The following SDK1 variants were observed in gnomAD, a reference collection of about 807,000 sequenced individuals.
SDK1 encodes sidekick cell adhesion molecule 1, also known as protein sidekick-1.
Under a neutral mutation model 245.5 loss-of-function variants are expected in SDK1, and 157 were observed. That is an observed-to-expected ratio of 0.64 (90% CI 0.56 to 0.73). The LOEUF is 0.73. Among genes scored for constraint, SDK1 ranks in the 30% least tolerant of loss-of-function variants. The probability of loss-of-function intolerance (pLI) is 0.00; values close to 1 mark genes in which losing one functional copy is unlikely to be tolerated. For missense variants in SDK1, 3,583 were observed against 3,002.3 expected (o/e 1.19, Z -4.52); for synonymous variants, 1,647 against 1,278.5 (o/e 1.29, Z -6.15).
At chr7:4,095,387 C>G (rs1782083970) in intron 22 of SDK1, among the ~76,000 whole-genome samples, 1 of 152,182 alleles carries the variant, frequency 6.6e-6, no homozygotes, top group African/African-American at 2.4e-5. Context: ...CCTGCATAGC[C>G]AACCCATTTG....
chr7:3,479,386 C>T (rs1045775982), intron 1 of SDK1, among the ~76,000 whole-genome samples: 1 of 134,248 alleles, frequency 7.4e-6, no homozygotes, highest in African/African-American at 2.9e-5. Flanking sequence ...TGTGCCACTG[C>T]ACTCCAGCCT....
chr7:3,666,465 G>A, intron 4 of SDK1, among the ~76,000 whole-genome samples: 1 of 152,126 alleles, frequency 6.6e-6, no homozygotes. Context: ...CCATTTCCCA[G>A]GCTCCTGCCC....
At chr7:3,589,210 C>T (rs931765817) in intron 1 of SDK1, among the ~76,000 whole-genome samples, 2 of 152,258 alleles carry the variant, frequency 1.3e-5, no homozygotes, top group East Asian at 3.9e-4. Flanking sequence ...GTACTGATCT[C>T]ACAGTTGGTG....
intron 2 of SDK1, among the ~76,000 whole-genome samples, chr7:3,636,571 G>A (rs1020895945): frequency 3.3e-5 from 5 of 152,116 alleles, no homozygotes; most frequent in Non-Finnish European, 7.3e-5. Context: ...ATATTCCATC[G>A]TGTGTATACA....
intron 1 of SDK1, among the ~76,000 whole-genome samples, chr7:3,575,898 G>T (rs1177726559): frequency 1.3e-5 from 2 of 151,908 alleles, no homozygotes; most frequent in African/African-American, 2.4e-5. Flanking sequence ...CTCATGAATA[G>T]CCCAGAGAAA....
At chr7:3,735,063 G>A (rs188990819) in intron 4 of SDK1, among the ~76,000 whole-genome samples, 74 of 152,058 alleles carry the variant, frequency 4.9e-4, no homozygotes, top group Middle Eastern at 3.4e-3. Context: ...GTATAATTTG[G>A]AATGTAGAGG....
At chr7:4,031,077 A>G (rs893323429) in intron 17 of SDK1, among the ~76,000 whole-genome samples, 39 of 152,302 alleles carry the variant, frequency 2.6e-4, no homozygotes, top group African/African-American at 9.1e-4. Flanking sequence ...ATCTGCATCT[A>G]TATATACACA....
At chr7:4,196,164 C>G (rs1783564892) in intron 35 of SDK1, among the ~76,000 whole-genome samples, 2 of 152,172 alleles carry the variant, frequency 1.3e-5, no homozygotes, top group Admixed American at 1.3e-4. Flanking sequence ...TGTGACTTAA[C>G]CCCTCAAGGC....
intron 4 of SDK1, among the ~76,000 whole-genome samples, chr7:3,713,381 C>CT (rs1457121531): frequency 6.6e-6 from 1 of 152,118 alleles, no homozygotes; most frequent in Non-Finnish European, 1.5e-5. Context: ...CTACAAAGAA[C>CT]TTAAAACTAA....
chr7:3,563,403 G>C (rs1222436941), intron 1 of SDK1, among the ~76,000 whole-genome samples: 1 of 152,062 alleles, frequency 6.6e-6, no homozygotes, highest in African/African-American at 2.4e-5. Flanking sequence ...ATAAAAGGAT[G>C]GAAGAGAGAG....
intron 1 of SDK1, among the ~76,000 whole-genome samples, chr7:3,486,796 A>T (rs1781709685): frequency 6.6e-6 from 1 of 152,164 alleles, no homozygotes; most frequent in African/African-American, 2.4e-5. Flanking sequence ...TTGTAAATAT[A>T]TCCTTTTGTC....
chr7:3,718,067 C>G (rs892495402), intron 4 of SDK1, among the ~76,000 whole-genome samples: 1 of 152,104 alleles, frequency 6.6e-6, no homozygotes, highest in Non-Finnish European at 1.5e-5. Flanking sequence ...GAATTAGACA[C>G]CGTAACCAAG....
At chr7:3,555,922 G>C (rs189152723) in intron 1 of SDK1, among the ~76,000 whole-genome samples, 1 of 152,210 alleles carries the variant, frequency 6.6e-6, no homozygotes, top group East Asian at 1.9e-4. Flanking sequence ...AGTAACAAAT[G>C]CTGGCAAGAA....
intron 5 of SDK1, among the ~76,000 whole-genome samples, chr7:3,885,753 C>G (rs887916287): frequency 6.6e-6 from 1 of 152,218 alleles, no homozygotes; most frequent in African/African-American, 2.4e-5. Flanking sequence ...CCATGCCAAG[C>G]TGCATTAGTT....
intron 1 of SDK1, among the ~76,000 whole-genome samples, chr7:3,323,124 G>C (rs1325365985): frequency 6.6e-6 from 1 of 152,094 alleles, no homozygotes; most frequent in East Asian, 1.9e-4. Context: ...TTTGTTTGCA[G>C]GTCCCTTTAA....
chr7:4,083,378 G>C (rs1161278940), intron 22 of SDK1, among the ~76,000 whole-genome samples: 1 of 151,994 alleles, frequency 6.6e-6, no homozygotes, highest in East Asian at 1.9e-4. Flanking sequence ...GCCTCGTTGA[G>C]AAAACCCAGC....
At chr7:3,339,257 C>A (rs1376469919) in intron 1 of SDK1, among the ~76,000 whole-genome samples, 3 of 151,970 alleles carry the variant, frequency 2.0e-5, no homozygotes, top group Non-Finnish European at 2.9e-5. Flanking sequence ...ATGTACACAC[C>A]AAACAGAACC....
At chr7:3,318,558 G>T (rs189622633) in intron 1 of SDK1, among the ~76,000 whole-genome samples, 1 of 152,168 alleles carries the variant, frequency 6.6e-6, no homozygotes, top group Non-Finnish European at 1.5e-5. Context: ...GAAATACACA[G>T]AAGGCATTAC....
chr7:3,661,389 G>C (rs1456855194), intron 4 of SDK1, among the ~76,000 whole-genome samples: 1 of 152,150 alleles, frequency 6.6e-6, no homozygotes, highest in Non-Finnish European at 1.5e-5. Flanking sequence ...GGAGAGAAAG[G>C]GGACATTAAC....
Sources: gnomAD v4.1 joint callset for allele counts (sites outside exome capture counted in the v4.1 genomes callset) on GRCh38, gnomAD v4.1.1 for gene constraint, MANE v1.5 for transcripts, NCBI Gene and HGNC (gene_info 2026-07-23, HGNC 2026-07-21) for gene names.